The following CFAP43 variants were observed in gnomAD, a reference collection of about 807,000 sequenced individuals.
The protein encoded by CFAP43 is cilia and flagella associated protein 43.
CFAP43 carries 155 observed loss-of-function variants against 218.9 expected under a neutral mutation model. The ratio of observed to expected loss-of-function variants is 0.71; its 90% CI spans 0.62 to 0.81. The LOEUF is 0.81. Ranked by LOEUF, CFAP43 falls within the 30% of genes least tolerant of loss-of-function variation. The pLI is 0.00. For synonymous variants in CFAP43, 645 were observed against 681.3 expected (o/e 0.95, Z 0.83); for missense variants, 1,778 against 1,954.3 (o/e 0.91, Z 1.70).
chr10:104,228,004 C>A (rs1314723994), intron 2 of CFAP43, among the ~76,000 whole-genome samples: 1 of 151,902 alleles, frequency 6.6e-6, no homozygotes, highest in Non-Finnish European at 1.5e-5. Flanking sequence ...CCACCATGCC[C>A]AACTAACTTT....
At chr10:104,174,504 A>T (rs2089537292) in intron 19 of CFAP43, among the ~76,000 whole-genome samples, 1 of 152,178 alleles carries the variant, frequency 6.6e-6, no homozygotes. Flanking sequence ...TCCCTTCCAC[A>T]ACACATGGGA....
intron 31 of CFAP43, among the ~76,000 whole-genome samples, chr10:104,144,863 T>G (rs2087883734): frequency 6.6e-6 from 1 of 152,226 alleles, no homozygotes; most frequent in African/African-American, 2.4e-5. Context: ...TTTCAAATGG[T>G]TATTTTCTAC....
chr10:104,194,127 G>T (rs2090316670), intron 10 of CFAP43, 113 bp from the exon 11 acceptor site: 1 of 1,279,990 alleles, frequency 7.8e-7, no homozygotes, highest in African/African-American at 1.5e-5. Context: ...AGTGGCAAGT[G>T]TTGTGTGGTG....
Position 104,147,958 on chromosome 10 carries a change from A to C in CFAP43, c.3701T>G (p.Leu1234Trp). The C allele has an allele frequency of 1.3e-6, 2 of 1,598,220 alleles. No individual in the cohort carries two copies. The highest frequency in any genetic ancestry group is 1.7e-6 in the Non-Finnish European group (2 of 1,171,776). ...TTCTCTAGAGCTTAATTCTTCATCCAACAATAAAGAAAATGCAAGGTTACT... is the reference window on the plus strand; with the variant it reads ...TTCTCTAGAGCTTAATTCTTCATCCCACAATAAAGAAAATGCAAGGTTACT... ...KISNLAFSLLLDEELSSREKF... is the reference protein window; with the variant it reads ...KISNLAFSLLWDEELSSREKF... The change falls in exon 29 of 38, where the codon TTG becomes TGG. Residue 1234 changes from leucine (L) to tryptophan (W), a missense_variant. Physicochemically the swap from Leu to Trp is moderately conservative, Grantham distance 61 (BLOSUM62 -2). Coordinates refer to ENST00000357060, the MANE Select transcript of CFAP43 (RefSeq NM_025145.7).
chr10:104,166,824 A>C, intron 22 of CFAP43, 106 bp from the exon 23 acceptor site: 1 of 1,029,850 alleles, frequency 9.7e-7, no homozygotes, highest in Non-Finnish European at 1.4e-6. Context: ...AATTTGTTGA[A>C]TTGTCTTGCC....
intron 28 of CFAP43, 88 bp downstream of exon 28, chr10:104,152,519 C>A (rs2088315701): frequency 6.4e-7 from 1 of 1,563,508 alleles, no homozygotes; most frequent in Non-Finnish European, 8.7e-7. Flanking sequence ...GATCTTAGTA[C>A]CTGGTAAGGA....
intron 16 of CFAP43, among the ~76,000 whole-genome samples, chr10:104,183,537 C>T (rs903210729): frequency 6.6e-6 from 1 of 151,968 alleles, no homozygotes; most frequent in African/African-American, 2.4e-5. Context: ...CTACAGGCGC[C>T]CGCCACCGCG....
intron 7 of CFAP43, 104 bp downstream of exon 7, chr10:104,205,859 G>T: frequency 3.3e-6 from 3 of 919,910 alleles, no homozygotes; most frequent in East Asian, 2.6e-5. Context: ...TTAATAATGT[G>T]ACAGATCTGA....
chr10:104,183,428 G>C (rs1373312801), intron 16 of CFAP43, among the ~76,000 whole-genome samples: 1 of 149,302 alleles, frequency 6.7e-6, no homozygotes, highest in East Asian at 2.0e-4. Flanking sequence ...TGTCGCCCAG[G>C]CCGGACTGCG....
intron 5 of CFAP43, among the ~76,000 whole-genome samples, chr10:104,210,936 G>A (rs954842105): frequency 2.6e-5 from 4 of 151,698 alleles, no homozygotes; most frequent in Non-Finnish European, 4.4e-5. Flanking sequence ...GATTACAGGC[G>A]TCCGCCACCA....
intron 27 of CFAP43, among the ~76,000 whole-genome samples, chr10:104,157,773 T>TGAGAGAGAGAGAGAGAGAGA: frequency 1.0e-5 from 1 of 98,130 alleles, no homozygotes; most frequent in Non-Finnish European, 2.1e-5. Flanking sequence ...TGTGTGTGTG[T>TGAGAGAGAGAGAGAGAGAGA]GTGAGAGAGA....
Position 104,131,500 on chromosome 10 carries a change from C to T in CFAP43, c.4678-16G>A, listed in dbSNP as rs1564702745. On this transcript the variant is annotated splice_polypyrimidine_tract_variant and intron_variant, in intron 36 of 37. Transcript: ENST00000357060. ...TTTTGTGCATCTGAAATTTTTGTTCCCATGACACCCCACAAAATTAATTTT... is the reference window on the plus strand; with the variant it reads ...TTTTGTGCATCTGAAATTTTTGTTCTCATGACACCCCACAAAATTAATTTT... 1.3e-6 allele frequency: 2 copies of T among 1,593,164 alleles called. No homozygotes were observed. Among genetic ancestry groups the T allele is most frequent in the Non-Finnish European group, 1.7e-6 (2 of 1,173,864 alleles).
rs1348156775 is a variant in CFAP43 at position 104,188,274 on chromosome 10, T to C, written c.1683A>G (p.Pro561=). The C allele has an allele frequency of 6.2e-7, 1 of 1,613,528 alleles. No homozygotes were observed. Among genetic ancestry groups the C allele is most frequent in the South Asian group, 1.1e-5 (1 of 90,888 alleles). ...GGCTGCTTATGTTTTCCTTACCTTGTGGCAGTAATGTAGGCAGTGTGAACA... is the reference window on the plus strand; with the variant it reads ...GGCTGCTTATGTTTTCCTTACCTTGCGGCAGTAATGTAGGCAGTGTGAACA... ...LEMFTLPTLL[P]QVSTTFADER... The change falls in exon 13 of 38, where the codon CCA becomes CCG. Residue 561 remains proline, a synonymous_variant. Transcript: ENST00000357060.
At chr10:104,206,675 G>T (rs534729786) in intron 6 of CFAP43, among the ~76,000 whole-genome samples, 1 of 152,328 alleles carries the variant, frequency 6.6e-6, no homozygotes, top group South Asian at 2.1e-4. Context: ...GTGTGAAATA[G>T]TAAGAGCAAT....
chr10:104,156,570 G>A (rs1263711014), intron 27 of CFAP43, among the ~76,000 whole-genome samples: 2 of 152,126 alleles, frequency 1.3e-5, no homozygotes, highest in African/African-American at 4.8e-5. Context: ...AAACCTAACA[G>A]ACCTTACACA....
chr10:104,225,080 A>G (rs916507814), intron 3 of CFAP43, among the ~76,000 whole-genome samples: 6 of 152,184 alleles, frequency 3.9e-5, no homozygotes, highest in Non-Finnish European at 8.8e-5. Flanking sequence ...CTCTAACAAC[A>G]ATTACTTTAA....
intron 24 of CFAP43, 72 bp downstream of exon 24, chr10:104,164,022 C>G: frequency 6.6e-7 from 1 of 1,513,662 alleles, no homozygotes. Flanking sequence ...ACAGAGTAAC[C>G]AAGTTGAACA....
At chr10:104,168,599 C>A (rs1476916767) in intron 21 of CFAP43, 145 bp downstream of exon 21, 9 of 632,724 alleles carry the variant, frequency 1.4e-5, no homozygotes, top group Admixed American at 5.4e-5. Context: ...AGGGACACAT[C>A]CAGGTGAAAT....
chr10:104,185,091 A>G lies in CFAP43; in HGVS notation c.2066T>C (p.Met689Thr). 2 of 1,612,916 alleles carry G rather than the reference A, an allele frequency of 1.2e-6. No homozygotes were observed. Among genetic ancestry groups the G allele is most frequent in the Non-Finnish European group, 8.5e-7 (1 of 1,178,902 alleles). Residue 689 changes from methionine (M) to threonine (T), a missense_variant, in exon 16 of 38, where the codon ATG becomes ACG. Around this residue, in one of 3 missense-constraint regions of CFAP43, gnomAD observed 1,553 missense variants for 1,685.2 expected, o/e 0.92. Transcript: ENST00000357060. Reference protein sequence around the residue: ...HSHQGHGIQSMRISMDGQNIL... With the variant: ...HSHQGHGIQSTRISMDGQNIL... ...GTTTTGTCCATCCATTGAAATTCTC[A>G]TTGACTGAATCCCATGACCCTGGTG... is the stretch of plus-strand genomic sequence containing the variant.
Sources: allele counts gnomAD v4.1 joint callset (sites outside exome capture counted in the v4.1 genomes callset), GRCh38; gene constraint gnomAD v4.1.1; regional missense constraint gnomAD v4.1.1; transcripts MANE v1.5; gene names NCBI Gene and HGNC (gene_info 2026-07-23, HGNC 2026-07-21).